TRIM2: variants seen among roughly 807,000 people sequenced by gnomAD.
TRIM2 encodes tripartite motif-containing protein 2.
Under a neutral mutation model 75.2 loss-of-function variants are expected in TRIM2, and 20 were observed. That is an observed-to-expected ratio of 0.27 (90% CI 0.19 to 0.39). The LOEUF (loss-of-function observed/expected upper bound fraction) is 0.39. TRIM2 is among the 10% of genes least tolerant of loss of function. TRIM2 has a pLI of 1.00. For synonymous variants in TRIM2, 373 were observed against 388.3 expected, an observed-to-expected ratio of 0.96 and a Z score of 0.46; for missense variants, 660 against 990.8, an observed-to-expected ratio of 0.67 and a Z score of 4.48.
chr4:153,227,649 G>A lies in TRIM2; in HGVS notation c.30+23089G>A, dbSNP rs1199940701. 3.9e-5 allele frequency among the ~76,000 whole-genome samples: 6 copies of A among 152,240 alleles called. No homozygotes were observed. The East Asian group carries it at 5.8e-4, about 15-fold the overall frequency. Reference sequence around the variant, plus strand: ...GGATTTGCATCTCGTTAGCTTGCCCGTATGTCCTCAGCTATTGGACACAAT... The same window carrying A: ...GGATTTGCATCTCGTTAGCTTGCCCATATGTCCTCAGCTATTGGACACAAT... On this transcript the variant is annotated intron_variant, in intron 1 of 11. Coordinates refer to ENST00000338700, the MANE Select transcript of TRIM2 (RefSeq NM_015271.5).
At chr4:153,160,265 T>G (rs949437858) in intron 1 of TRIM2, among the ~76,000 whole-genome samples, 15 of 152,232 alleles carry the variant, frequency 9.9e-5, no homozygotes, top group Non-Finnish European at 2.1e-4. Flanking sequence ...AGCTGTGTTA[T>G]CTAACACTTT....
At chr4:153,174,176 C>T (rs1352634822) in intron 1 of TRIM2, among the ~76,000 whole-genome samples, 1 of 68,540 alleles carries the variant, frequency 1.5e-5, no homozygotes, top group East Asian at 4.4e-4. Context: ...TTCTCCTTCT[C>T]CTTACACTTC....
chr4:153,314,806 G>A (rs1767236849), intron 6 of TRIM2, among the ~76,000 whole-genome samples: 1 of 152,178 alleles, frequency 6.6e-6, no homozygotes, highest in African/African-American at 2.4e-5. Flanking sequence ...ATAACTATCT[G>A]TGGCCTTCGG....
chr4:153,208,256 C>A (rs1261556913), intron 1 of TRIM2, among the ~76,000 whole-genome samples: 1 of 152,006 alleles, frequency 6.6e-6, no homozygotes, highest in African/African-American at 2.4e-5. Context: ...TATGATTGTG[C>A]CAGTCCACTC....
rs1560874866 is a variant in TRIM2, at chr4:153,244,391, TTCTTCTTCTTCTTCTTCTTCTTC to T, written c.31-25942_31-25920del. Among the ~76,000 whole-genome samples, 125 of 77,834 alleles carry T rather than the reference TTCTTCTTCTTCTTCTTCTTCTTC, an allele frequency of 1.6e-3. 24 individuals are homozygous for T. The highest frequency in any genetic ancestry group is 0.011 in the African/African-American group (119 of 10,896). The allele number at this position is 77,834 out of a possible 152,430, so 51.1% of individuals were successfully genotyped here. On this transcript the variant is annotated intron_variant, in intron 1 of 11. Transcript: ENST00000338700. ...CTTCTTCTTCTTCTTCTTCTTCTTC[TTCTTCTTCTTCTTCTTCTTCTTC>T]TTCTTCTTCTTCTTCTTCTTCTTTT...
At chr4:153,218,813 T>G (rs1160840880) in intron 1 of TRIM2, among the ~76,000 whole-genome samples, 1 of 152,144 alleles carries the variant, frequency 6.6e-6, no homozygotes. Context: ...AATTGTAAAT[T>G]TTTAGGCAAA....
upstream of TRIM2, among the ~76,000 whole-genome samples, chr4:153,203,432 C>T (rs1047803012): frequency 1.4e-5 from 2 of 145,012 alleles, no homozygotes; most frequent in Non-Finnish European, 3.0e-5. Flanking sequence ...CACACACACA[C>T]GAAGAAGAAC....
At chr4:153,276,849 A>T (rs934760335) in intron 3 of TRIM2, among the ~76,000 whole-genome samples, 1 of 151,838 alleles carries the variant, frequency 6.6e-6, no homozygotes, top group Non-Finnish European at 1.5e-5. Context: ...TTTATCAGTT[A>T]AAAAAAAGTA....
chr4:153,270,238 T>A (rs1756346400), intron 1 of TRIM2, 97 bp from the exon 2 acceptor site: 2 of 1,440,812 alleles, frequency 1.4e-6, no homozygotes, highest in African/African-American at 2.9e-5. Flanking sequence ...GACTTCTACC[T>A]TTACTTATAG....
chr4:153,309,377 C>A (rs1233479534), intron 6 of TRIM2, among the ~76,000 whole-genome samples: 1 of 152,116 alleles, frequency 6.6e-6, no homozygotes, highest in Non-Finnish European at 1.5e-5. Context: ...GTTTGTCCTG[C>A]TATCTCATGG....
intron 6 of TRIM2, among the ~76,000 whole-genome samples, chr4:153,297,051 C>T (rs1044571770): frequency 2.0e-5 from 3 of 152,086 alleles, no homozygotes; most frequent in Non-Finnish European, 2.9e-5. Flanking sequence ...GTCTCTGAGG[C>T]AGGAGAGGGA....
intron 1 of TRIM2, among the ~76,000 whole-genome samples, chr4:153,208,097 A>G (rs1282723477): frequency 2.0e-5 from 3 of 152,242 alleles, no homozygotes; most frequent in African/African-American, 7.2e-5. Flanking sequence ...AAAGTTCAAG[A>G]CCAGCCTGGG....
intron 11 of TRIM2, among the ~76,000 whole-genome samples, chr4:153,333,804 G>A (rs927471873): frequency 6.6e-6 from 1 of 152,012 alleles, no homozygotes; most frequent in African/African-American, 2.4e-5. Flanking sequence ...GCATGCTCTA[G>A]GTATTAGAAG....
At chr4:153,272,641 C>G (rs752605846) in intron 2 of TRIM2, among the ~76,000 whole-genome samples, 4 of 151,768 alleles carry the variant, frequency 2.6e-5, no homozygotes, top group Non-Finnish European at 5.9e-5. Flanking sequence ...TGCACACCAC[C>G]ATGCCTGACT....
intron 1 of TRIM2, among the ~76,000 whole-genome samples, chr4:153,174,814 A>G (rs1003861862): frequency 3.3e-5 from 5 of 152,364 alleles, no homozygotes; most frequent in Middle Eastern, 3.4e-3. Context: ...TGAGAGGAAA[A>G]TAAACTCTCA....
intron 1 of TRIM2, chr4:153,265,894 T>G (rs1346712935): frequency 6.6e-6 from 1 of 152,156 alleles, no homozygotes; most frequent in Non-Finnish European, 1.5e-5. Flanking sequence ...GGCCAGTCAT[T>G]TAAACCCTCA....
Position 153,164,545 on chromosome 4 carries a change from C to A in TRIM2, c.-49+11275C>A, listed in dbSNP as rs559282522. ...TAAGTAATATATTTACATAGTTCAA[C>A]ATTCAAGAAAAAAAAAGATAAAAAC... On this transcript the variant is annotated intron_variant, in intron 1 of 11. Transcript: ENST00000437508. 2.2e-4 allele frequency among the ~76,000 whole-genome samples: 33 copies of A among 152,170 alleles called. No individual in the cohort carries two copies. The South Asian group carries it at 6.0e-3, about 28-fold the overall frequency.
intron 1 of TRIM2, among the ~76,000 whole-genome samples, chr4:153,221,784 A>AAAG (rs1553966349): frequency 1.7e-5 from 2 of 116,034 alleles, no homozygotes; most frequent in Non-Finnish European, 3.4e-5. Context: ...GGAAAGAAGA[A>AAAG]AAGGAAGGAA....
At chr4:153,251,011 G>A (rs116189566) in intron 1 of TRIM2, among the ~76,000 whole-genome samples, 1 of 152,348 alleles carries the variant, frequency 6.6e-6, no homozygotes, top group African/African-American at 2.4e-5. Context: ...CACTTCTGGT[G>A]TGAATTCTTG....
Sources: gnomAD v4.1 joint callset for allele counts (sites outside exome capture counted in the v4.1 genomes callset) on GRCh38, gnomAD v4.1.1 for gene constraint, MANE v1.5 for transcripts, NCBI Gene and HGNC (gene_info 2026-07-23, HGNC 2026-07-21) for gene names.